Variants in FAM153A observed in about 807,000 individuals in gnomAD.
The protein encoded by FAM153A is family with sequence similarity 153 member A.
A neutral mutation model predicts 48.1 loss-of-function variants in FAM153A; 12 were observed. The observed-to-expected ratio is 0.25, with a 90% CI of 0.16 to 0.40. The LOEUF is 0.40. Among genes scored for constraint, FAM153A ranks in the 10% least tolerant of loss-of-function variants. The pLI is 1.00. For missense variants in FAM153A, 111 were observed against 345.8 expected, an observed-to-expected ratio of 0.32 and a Z score of 5.38; for synonymous variants, 36 against 118.2, an observed-to-expected ratio of 0.30 and a Z score of 4.51.
At chr5:177,711,352 C>T (rs1279059850) in exon 27 of FAM153A, 3 of 151,858 alleles carry the variant, frequency 2.0e-5, no homozygotes, top group Non-Finnish European at 4.4e-5. Flanking sequence ...ACCATGTGAT[C>T]CAAACAGGTA....
intron 1 of FAM153A, among the ~76,000 whole-genome samples, chr5:177,759,620 A>T (rs1768105515): frequency 6.6e-6 from 1 of 151,652 alleles, no homozygotes; most frequent in Non-Finnish European, 1.5e-5. Flanking sequence ...TACACCATGG[A>T]ATACTATGCA....
At chr5:177,716,526 G>A (rs1759823789) in intron 24 of FAM153A, 1 of 151,692 alleles carries the variant, frequency 6.6e-6, no homozygotes, top group African/African-American at 2.4e-5. Flanking sequence ...CTGCACCACC[G>A]AGCAGCATGC....
At chr5:177,719,596 A>T (rs1248212663), downstream of FAM153A, among the ~76,000 whole-genome samples, 27 of 136,828 alleles carry the variant, frequency 2.0e-4, no homozygotes, top group Non-Finnish European at 3.3e-4. Flanking sequence ...TTCGAGGTGG[A>T]GTCTCACTCT....
intron 1 of FAM153A, among the ~76,000 whole-genome samples, chr5:177,761,105 C>T (rs1412494447): frequency 6.6e-6 from 1 of 150,468 alleles, no homozygotes; most frequent in Non-Finnish European, 1.5e-5. Context: ...CACAGGTCTG[C>T]AGAGGAACTT....
At chr5:177,781,386 G>T (rs1769649065), upstream of FAM153A, among the ~76,000 whole-genome samples, 1 of 143,362 alleles carries the variant, frequency 7.0e-6, no homozygotes, top group Non-Finnish European at 1.5e-5. Context: ...CTCCCAAAGT[G>T]CTGGGATTAC....
chr5:177,710,961 A>AT (rs1188595573), downstream of FAM153A: 3 of 151,820 alleles, frequency 2.0e-5, no homozygotes, highest in Non-Finnish European at 4.4e-5. Context: ...GGATACACAT[A>AT]TTTAAAGTTG....
At chr5:177,714,967 C>G (rs944604188) in intron 25 of FAM153A, among the ~76,000 whole-genome samples, 4 of 127,644 alleles carry the variant, frequency 3.1e-5, no homozygotes, top group African/African-American at 1.1e-4. Flanking sequence ...TGGTAGAAAG[C>G]AAGGATGCAG....
intron 9 of FAM153A, 42 bp from the exon 12 acceptor site, chr5:177,739,179 G>T: frequency 6.2e-7 from 1 of 1,609,966 alleles, no homozygotes; most frequent in Non-Finnish European, 8.5e-7. Flanking sequence ...GTAAGATCAT[G>T]CTGTCTCTGT....
chr5:177,705,681 G>C (rs1228663815), downstream of FAM153A, among the ~76,000 whole-genome samples: 1 of 95,008 alleles, frequency 1.1e-5, no homozygotes, highest in Non-Finnish European at 2.0e-5. Flanking sequence ...TTTTTTTTGA[G>C]ATGAAGTCTT....
chr5:177,737,387 C>T (rs1764834957), intron 10 of FAM153A, among the ~76,000 whole-genome samples: 1 of 151,236 alleles, frequency 6.6e-6, no homozygotes, highest in South Asian at 2.1e-4. Flanking sequence ...ACAGTGTTTC[C>T]CTGGAGCATC....
chr5:177,754,102 A>G (rs1767407751), upstream of FAM153A, among the ~76,000 whole-genome samples: 1 of 151,752 alleles, frequency 6.6e-6, no homozygotes, highest in South Asian at 2.1e-4. Context: ...GAAAGGGATG[A>G]CAGGCTGCAC....
At chr5:177,735,250 T>C in intron 12 of FAM153A, among the ~76,000 whole-genome samples, 1 of 148,366 alleles carries the variant, frequency 6.7e-6, no homozygotes, top group Non-Finnish European at 1.5e-5. Context: ...AGAATCCACA[T>C]GTGCTGCTGA....
At chr5:177,750,302 G>C (rs555133107) in intron 2 of FAM153A, 1 of 154,496 alleles carries the variant, frequency 6.5e-6, no homozygotes, top group African/African-American at 2.4e-5. Context: ...TTCCGTCAGG[G>C]TGACAAAAGA....
chr5:177,766,623 G>A (rs1370515885), intron 1 of FAM153A, among the ~76,000 whole-genome samples: 2 of 94,530 alleles, frequency 2.1e-5, no homozygotes, highest in African/African-American at 8.1e-5. Flanking sequence ...TCTTGCTTTT[G>A]TAAAATTATA....
chr5:177,754,231 G>A (rs187659795), upstream of FAM153A, among the ~76,000 whole-genome samples: 361 of 152,102 alleles, frequency 2.4e-3, 3 homozygotes, highest in Non-Finnish European at 1.9e-3. Flanking sequence ...ATGGAGCCTC[G>A]CTCATTGCTA....
intron 1 of FAM153A, among the ~76,000 whole-genome samples, chr5:177,758,880 A>G (rs1768018619): frequency 6.6e-6 from 1 of 150,924 alleles, no homozygotes; most frequent in Non-Finnish European, 1.5e-5. Flanking sequence ...CCCTAGAAGA[A>G]AACCTAGGCA....
At chr5:177,698,366 A>G in the FAM153A span, among the ~76,000 whole-genome samples, 1 of 151,912 alleles carries the variant, frequency 6.6e-6, no homozygotes, top group Non-Finnish European at 1.5e-5. Context: ...CTGACTCTGC[A>G]TTCTTGTTCT....
At position 177,758,671 on chromosome 5, in the gene FAM153A, A is replaced by G. The variant is rs947062032; in HGVS notation, c.-56-9972T>C. ...GAACAGAGCCCTCAGAAATAATGCC[A>G]CATATCTACAACTATCTGATCTTTG... On this transcript the variant is annotated intron_variant, in intron 1 of 8. Coordinates refer to the FAM153A transcript ENST00000393518. 8.6e-5 allele frequency among the ~76,000 whole-genome samples: 13 copies of G among 150,862 alleles called. 1 individual carries two copies. The highest frequency in any genetic ancestry group is 2.9e-4 in the African/African-American group (12 of 40,960).
intron 1 of FAM153A, among the ~76,000 whole-genome samples, chr5:177,764,296 A>G (rs1768546790): frequency 6.6e-6 from 1 of 151,278 alleles, no homozygotes; most frequent in African/African-American, 2.4e-5. Flanking sequence ...GGCTCTTGAC[A>G]CCTAAACTCA....
Sources: gnomAD v4.1 joint callset for allele counts (sites outside exome capture counted in the v4.1 genomes callset) on GRCh38, gnomAD v4.1.1 for gene constraint, MANE v1.5 for transcripts, NCBI Gene and HGNC (gene_info 2026-07-23, HGNC 2026-07-21) for gene names.